Variants in RYR2 observed in about 807,000 individuals in gnomAD.
RYR2 encodes cardiac muscle ryanodine receptor-calcium release channel.
RYR2 carries 227 observed loss-of-function variants against 601.1 expected under a neutral mutation model. That is an observed-to-expected ratio of 0.38 (90% CI 0.34 to 0.42). The LOEUF (loss-of-function observed/expected upper bound fraction) is 0.42, where lower values mean the gene tolerates loss of function less well. Ranked by LOEUF, RYR2 falls within the 10% of genes least tolerant of loss-of-function variation. The probability of loss-of-function intolerance (pLI) is 1.00; values close to 1 mark genes in which losing one functional copy is unlikely to be tolerated. For synonymous variants in RYR2, 2,223 were observed against 2,175.1 expected, an observed-to-expected ratio of 1.02 and a Z score of -0.61; for missense variants, 4,646 against 6,156.5, an observed-to-expected ratio of 0.75 and a Z score of 8.21.
At chr1:237,721,157 G>C (rs1023634553) in intron 73 of RYR2, among the ~76,000 whole-genome samples, 1 of 152,118 alleles carries the variant, frequency 6.6e-6, no homozygotes, top group African/African-American at 2.4e-5. Context: ...GGCCAGAGGA[G>C]TAATTTTATG....
At chr1:237,674,658 T>TACAC (rs1278234759) in intron 59 of RYR2, 73 bp from the exon 60 acceptor site, 3 of 752,818 alleles carry the variant, frequency 4.0e-6, no homozygotes, top group Non-Finnish European at 7.1e-6. Context: ...CATATATATA[T>TACAC]ACACACACAC....
intron 10 of RYR2, among the ~76,000 whole-genome samples, chr1:237,409,395 T>C (rs959343644): frequency 6.6e-6 from 1 of 152,152 alleles, no homozygotes; most frequent in African/African-American, 2.4e-5. Context: ...TCAAATACTT[T>C]TTCTTCATTT....
chr1:237,778,767 G>T lies in RYR2; in HGVS notation c.11877G>T (p.Ser3959=), dbSNP rs754610647. 6.4e-7 allele frequency: 1 copy of T among 1,562,262 alleles called. No homozygotes were observed. The highest frequency in any genetic ancestry group is 8.8e-7 in the Non-Finnish European group (1 of 1,133,158). The change falls in exon 88 of 105, where the codon TCG becomes TCT. Residue 3959 remains serine, a synonymous_variant. Transcript: ENST00000366574. ...TTGCCCATATGCAGATGAAGCTGTC[G>T]CAGGTAAACTAACTAACTGCCTTCC... ...HVFAHMQMKL[S]QDSSQIELLK...
At chr1:237,589,456 C>T (rs1308498401) in intron 29 of RYR2, among the ~76,000 whole-genome samples, 1 of 152,152 alleles carries the variant, frequency 6.6e-6, no homozygotes, top group Non-Finnish European at 1.5e-5. Context: ...AGTACATGCA[C>T]TCCTGAGCAA....
At position 237,503,483 on chromosome 1, in the gene RYR2, C is replaced by T; in HGVS notation, c.2591C>T (p.Pro864Leu). Residue 864 changes from proline (P) to leucine (L), a missense_variant, in exon 22 of 105, where the codon CCC (proline) becomes CTC (leucine). This residue lies in a region of RYR2 where 1,807 missense variants were observed against 2,088.1 expected (regional missense o/e 0.87). Transcript: ENST00000366574. The stretch of plus-strand genomic sequence containing the variant: ...TCCCTGACGCAAGCTGCCTTCACAC[C>T]CATCCCTGTGGATACCAGCCAGGTA... ...TVSLTQAAFT[P>L]IPVDTSQIVL... is the part of the protein sequence containing the mutation. 6.2e-7 allele frequency: 1 copy of T among 1,613,876 alleles called. No homozygotes were observed. The highest frequency in any genetic ancestry group is 8.5e-7 in the Non-Finnish European group (1 of 1,179,866).
chr1:237,712,964 A>C (rs965544574), intron 71 of RYR2, among the ~76,000 whole-genome samples: 5 of 152,220 alleles, frequency 3.3e-5, no homozygotes, highest in African/African-American at 1.2e-4. Flanking sequence ...CTGGCAACAG[A>C]GTAGCTTAGG....
At position 237,633,691 on chromosome 1, in the gene RYR2, A is replaced by G. The variant is rs1202190915; in HGVS notation, c.6669A>G (p.Glu2223=). ...TTGATCATCTCAGTTATTTACTGGA[A>G]AACAGCAGTGTTGGTCTTGGTAAGT... The part of the protein sequence containing the change: ...AMFDHLSYLL[E]NSSVGLASPA... Residue 2223 remains glutamate, a synonymous_variant, in exon 43 of 105, where the codon GAA becomes GAG. Coordinates refer to ENST00000366574, the MANE Select transcript of RYR2 (RefSeq NM_001035.3). The G allele has an allele frequency of 1.9e-6, 3 of 1,613,458 alleles. No homozygotes were observed. Among genetic ancestry groups the G allele is most frequent in the Admixed American group, 3.3e-5 (2 of 59,994 alleles).
rs2149354852 is a variant in RYR2 at position 237,784,409 on chromosome 1, A to G, written c.12697A>G (p.Met4233Val). Reference sequence around the variant, plus strand: ...GAGGCCGGAAGAGCAGGGGCCGAGGATGGCTTTCTTCTCCATTCTGACGGT... The same window carrying G: ...GAGGCCGGAAGAGCAGGGGCCGAGGGTGGCTTTCTTCTCCATTCTGACGGT... ...KERPEEQGPR[M>V]AFFSILTVRS... The change falls in exon 90 of 105, where the codon ATG becomes GTG. Residue 4233 changes from methionine to valine, a missense_variant. Physicochemically the swap from Met to Val is conservative, Grantham distance 21. Transcript: ENST00000366574. The surrounding 1 kb of genome is among the most constrained non-coding windows in gnomAD (Gnocchi z 7.1). 7.4e-6 allele frequency: 12 copies of G among 1,613,886 alleles called. No homozygotes were observed. Among genetic ancestry groups the G allele is most frequent in the Admixed American group, 1.7e-5 (1 of 60,010 alleles).
At chr1:237,309,916 TC>T (rs1694353504) in intron 2 of RYR2, among the ~76,000 whole-genome samples, 2 of 152,098 alleles carry the variant, frequency 1.3e-5, no homozygotes, top group African/African-American at 2.4e-5. Context: ...AGCCAGCCAC[TC>T]CGAGTGCGGG....
intron 1 of RYR2, among the ~76,000 whole-genome samples, chr1:237,124,129 T>C (rs563500024): frequency 6.6e-6 from 1 of 152,292 alleles, no homozygotes; most frequent in East Asian, 1.9e-4. Context: ...GTCATAATTA[T>C]GAAAAAAGCT....
chr1:237,334,350 T>A (rs973951041), intron 3 of RYR2, among the ~76,000 whole-genome samples: 1 of 151,952 alleles, frequency 6.6e-6, no homozygotes, highest in South Asian at 2.1e-4. Flanking sequence ...TTATTGTGAC[T>A]ATTAGTAAAA....
At chr1:237,820,597 CTGTT>C (rs1361852916) in intron 101 of RYR2, among the ~76,000 whole-genome samples, 2 of 152,162 alleles carry the variant, frequency 1.3e-5, no homozygotes, top group Non-Finnish European at 2.9e-5. Flanking sequence ...AACTGGGTGG[CTGTT>C]TGGGAAGGCA....
At chr1:237,186,625 A>G (rs138383900) in intron 1 of RYR2, among the ~76,000 whole-genome samples, 3 of 152,300 alleles carry the variant, frequency 2.0e-5, no homozygotes, top group Non-Finnish European at 4.4e-5. Flanking sequence ...CGTTCCTTCT[A>G]ATGGATCAGC....
chr1:237,548,633 G>A, intron 26 of RYR2, 43 bp downstream of exon 26: 1 of 1,597,638 alleles, frequency 6.3e-7, no homozygotes, highest in Non-Finnish European at 8.6e-7. Flanking sequence ...ACTTAAGTGG[G>A]AATTAGCATA....
chr1:237,679,570 A>G (rs1288149997), intron 61 of RYR2, among the ~76,000 whole-genome samples: 2 of 152,210 alleles, frequency 1.3e-5, no homozygotes, highest in African/African-American at 2.4e-5. Context: ...AGAAGAGACC[A>G]GTTAATAGTT....
intron 79 of RYR2, among the ~76,000 whole-genome samples, chr1:237,741,463 A>G (rs1266812969): frequency 6.6e-6 from 1 of 152,178 alleles, no homozygotes; most frequent in African/African-American, 2.4e-5. Context: ...GGAACAATCT[A>G]ACTTTGATGA....
intron 1 of RYR2, among the ~76,000 whole-genome samples, chr1:237,052,276 G>T (rs549022458): frequency 6.6e-6 from 1 of 152,158 alleles, no homozygotes; most frequent in African/African-American, 2.4e-5. Context: ...TAGGGGGATT[G>T]TGTCCTGTGT....
chr1:237,593,902 G>A (rs1675517672), intron 33 of RYR2, among the ~76,000 whole-genome samples: 1 of 152,196 alleles, frequency 6.6e-6, no homozygotes, highest in African/African-American at 2.4e-5. Flanking sequence ...ATGACTAACA[G>A]CTTGGGTTAC....
rs11314213 is a variant in RYR2 at position 237,814,965 on chromosome 1, CTT to C, written c.14434-4053_14434-4052del. On this transcript the variant is annotated intron_variant, in intron 100 of 104. Transcript: ENST00000366574. ...ATAATCTGCTCCTTTTTTCTTTTTTCTTTTTTTTTTTTTTTTTTTGCCAAGAT... is the reference window on the plus strand; with the variant it reads ...ATAATCTGCTCCTTTTTTCTTTTTTCTTTTTTTTTTTTTTTTTGCCAAGAT... 7.0e-3 allele frequency among the ~76,000 whole-genome samples: 662 copies of C among 93,918 alleles called. 4 individuals are homozygous for C. The highest frequency in any genetic ancestry group is 0.028 in the Middle Eastern group (4 of 144). The allele number at this position is 93,918 out of a possible 152,430, so 61.6% of individuals were successfully genotyped here.
Sources: gnomAD v4.1 joint callset for allele counts (sites outside exome capture counted in the v4.1 genomes callset) on GRCh38, gnomAD v4.1.1 for gene constraint, gnomAD v4.1.1 regional missense constraint, Gnocchi (gnomAD v3.1) non-coding constraint, MANE v1.5 for transcripts, NCBI Gene and HGNC (gene_info 2026-07-23, HGNC 2026-07-21) for gene names.